CPEB1: variants seen among roughly 807,000 people sequenced by gnomAD.
The protein encoded by CPEB1 is cytoplasmic polyadenylation element-binding protein 1.
A neutral mutation model predicts 65.8 loss-of-function variants in CPEB1; 7 were observed. The ratio of observed to expected loss-of-function variants is 0.11; its 90% confidence interval spans 0.06 to 0.20. The LOEUF (loss-of-function observed/expected upper bound fraction) is 0.20, where lower values mean the gene tolerates loss of function less well. Among genes scored for constraint, CPEB1 ranks in the 10% least tolerant of loss-of-function variants. The pLI, the probability that CPEB1 is intolerant of heterozygous loss-of-function variation, is 1.00. For missense variants in CPEB1, 551 were observed against 712.2 expected, an observed-to-expected ratio of 0.77 and a Z score of 2.58; for synonymous variants, 262 against 260.0, an observed-to-expected ratio of 1.01 and a Z score of -0.08.
intron 1 of CPEB1, among the ~76,000 whole-genome samples, chr15:82,644,187 G>C (rs1398594603): frequency 1.3e-5 from 2 of 152,138 alleles, no homozygotes; most frequent in African/African-American, 2.4e-5. Context: ...ACACTCAGAA[G>C]ACCCACACTG....
At chr15:82,569,039 G>A (rs1055109755) in intron 4 of CPEB1, among the ~76,000 whole-genome samples, 1 of 152,336 alleles carries the variant, frequency 6.6e-6, no homozygotes, top group African/African-American at 2.4e-5. Context: ...TATCTGCAAG[G>A]ATAACTCCGA....
chr15:82,547,088 C>T, intron 11 of CPEB1, 55 bp downstream of exon 11: 1 of 1,262,802 alleles, frequency 7.9e-7, no homozygotes, highest in Non-Finnish European at 1.1e-6. Context: ...TGGGTAGTAA[C>T]TGCCCAAACC....
chr15:82,579,372 T>A (rs77919987), intron 3 of CPEB1, among the ~76,000 whole-genome samples: 3 of 152,074 alleles, frequency 2.0e-5, no homozygotes, highest in Non-Finnish European at 2.9e-5. Context: ...GAGGCTACGA[T>A]GAACCATGAT....
At chr15:82,568,294 T>C (rs1415668779) in intron 4 of CPEB1, among the ~76,000 whole-genome samples, 1 of 152,162 alleles carries the variant, frequency 6.6e-6, no homozygotes, top group Non-Finnish European at 1.5e-5. Context: ...CATTCCAGGA[T>C]ACTGAGGACA....
At chr15:82,591,099 TC>T (rs1190426673) in intron 3 of CPEB1, among the ~76,000 whole-genome samples, 1 of 152,200 alleles carries the variant, frequency 6.6e-6, no homozygotes, top group Non-Finnish European at 1.5e-5. Context: ...TACACTATTT[TC>T]CACAATGGCT....
chr15:82,569,610 G>C (rs2039706250), intron 4 of CPEB1, among the ~76,000 whole-genome samples: 1 of 152,240 alleles, frequency 6.6e-6, no homozygotes, highest in Non-Finnish European at 1.5e-5. Context: ...CTAGATCCAA[G>C]CTACTTTTAA....
intron 3 of CPEB1, among the ~76,000 whole-genome samples, chr15:82,588,511 T>A (rs2041978772): frequency 1.3e-5 from 2 of 152,276 alleles, no homozygotes; most frequent in East Asian, 3.9e-4. Context: ...GAAATCAGCT[T>A]CATTATTTTA....
intron 4 of CPEB1, among the ~76,000 whole-genome samples, chr15:82,570,906 A>T (rs1261561454): frequency 2.0e-5 from 3 of 152,188 alleles, no homozygotes; most frequent in Non-Finnish European, 4.4e-5. Flanking sequence ...CTCACTCTTC[A>T]TATAACTCCC....
At chr15:82,614,905 C>T (rs1470765433) in intron 3 of CPEB1, among the ~76,000 whole-genome samples, 7 of 151,622 alleles carry the variant, frequency 4.6e-5, no homozygotes, top group Non-Finnish European at 8.8e-5. Context: ...CCTCAGCCAA[C>T]GCTCTCACAA....
At chr15:82,584,971 G>T (rs1567201699) in intron 3 of CPEB1, among the ~76,000 whole-genome samples, 2 of 130,636 alleles carry the variant, frequency 1.5e-5, no homozygotes, top group Non-Finnish European at 3.1e-5. Context: ...ATTAAACTGG[G>T]TAAGGTGACA....
chr15:82,612,254 T>C (rs2044230006), intron 3 of CPEB1, among the ~76,000 whole-genome samples: 1 of 152,068 alleles, frequency 6.6e-6, no homozygotes, highest in Non-Finnish European at 1.5e-5. Context: ...CCCAGCACTT[T>C]GGAAAGCTGA....
intron 4 of CPEB1, among the ~76,000 whole-genome samples, chr15:82,570,385 C>A (rs2039834346): frequency 6.6e-6 from 1 of 150,844 alleles, no homozygotes; most frequent in African/African-American, 2.4e-5. Context: ...CACCCCCTCC[C>A]CCCCGCCCCT....
chr15:82,576,350 T>C (rs2040645350), intron 3 of CPEB1, among the ~76,000 whole-genome samples: 1 of 152,168 alleles, frequency 6.6e-6, no homozygotes, highest in African/African-American at 2.4e-5. Flanking sequence ...ATGCTAACAG[T>C]GTGTATATTT....
intron 4 of CPEB1, among the ~76,000 whole-genome samples, chr15:82,570,757 AC>A (rs2039905931): frequency 6.6e-6 from 1 of 151,702 alleles, no homozygotes; most frequent in South Asian, 2.1e-4. Context: ...GCTGGGAGTT[AC>A]CCCACCCCAC....
At chr15:82,561,926 A>T (rs1349247491) in intron 4 of CPEB1, among the ~76,000 whole-genome samples, 1 of 152,194 alleles carries the variant, frequency 6.6e-6, no homozygotes, top group Non-Finnish European at 1.5e-5. Context: ...CGCAATCTGG[A>T]CCAGGTTCAG....
chr15:82,550,180 G>A (rs1254397524), intron 9 of CPEB1, among the ~76,000 whole-genome samples: 1 of 152,154 alleles, frequency 6.6e-6, no homozygotes, highest in African/African-American at 2.4e-5. Context: ...AATGACTGGC[G>A]AGAGGTTGGG....
chr15:82,551,677 T>C (rs972627506), intron 9 of CPEB1, among the ~76,000 whole-genome samples: 1 of 152,222 alleles, frequency 6.6e-6, no homozygotes, highest in African/African-American at 2.4e-5. Flanking sequence ...AAATATCTAG[T>C]CCAATGTCAC....
chr15:82,648,118 G>A (rs913580573), upstream of CPEB1: 2 of 361,936 alleles, frequency 5.5e-6, no homozygotes, highest in Admixed American at 9.4e-5. Context: ...CCGAGCCGAG[G>A]AGGGCTCCGC....
At chr15:82,601,203 T>C (rs1363160115) in intron 3 of CPEB1, among the ~76,000 whole-genome samples, 2 of 147,886 alleles carry the variant, frequency 1.4e-5, no homozygotes, top group Non-Finnish European at 3.0e-5. Context: ...TCACCGTGCT[T>C]GGGGGTACAA....
Sources: allele counts gnomAD v4.1 joint callset (sites outside exome capture counted in the v4.1 genomes callset), GRCh38; gene constraint gnomAD v4.1.1; transcripts MANE v1.5; gene names NCBI Gene and HGNC (gene_info 2026-07-23, HGNC 2026-07-21).